RBFOX1: variants seen among roughly 807,000 people sequenced by gnomAD.
The protein encoded by RBFOX1 is RNA binding fox-1 homolog 1, also known as RNA binding protein fox-1 homolog 1.
A neutral mutation model predicts 57.7 loss-of-function variants in RBFOX1; 8 were observed. The ratio of observed to expected loss-of-function variants is 0.14; its 90% CI spans 0.08 to 0.25. The LOEUF (loss-of-function observed/expected upper bound fraction) is 0.25. Among genes scored for constraint, RBFOX1 ranks in the 10% least tolerant of loss-of-function variants. The probability of loss-of-function intolerance (pLI) is 1.00; values close to 1 mark genes in which losing one functional copy is unlikely to be tolerated. For synonymous variants in RBFOX1, 326 were observed against 222.4 expected (o/e 1.47, Z -4.15); for missense variants, 611 against 548.5 (o/e 1.11, Z -1.14).
chr16:7,171,935 GA>G (rs1438442245), intron 4 of RBFOX1, among the ~76,000 whole-genome samples: 1 of 152,178 alleles, frequency 6.6e-6, no homozygotes, highest in Non-Finnish European at 1.5e-5. Flanking sequence ...AATTTCCAGA[GA>G]GGAGATGTGG....
intron 4 of RBFOX1, among the ~76,000 whole-genome samples, chr16:7,125,403 C>T (rs902072018): frequency 2.6e-5 from 4 of 152,186 alleles, no homozygotes; most frequent in South Asian, 2.1e-4. Flanking sequence ...TTGTCACTAG[C>T]GTCAACTCTT....
intron 3 of RBFOX1, among the ~76,000 whole-genome samples, chr16:5,631,412 C>G (rs927431820): frequency 1.3e-5 from 2 of 152,014 alleles, no homozygotes; most frequent in African/African-American, 4.8e-5. Context: ...CAAAAATTAG[C>G]CGGGTATGGT....
chr16:6,750,827 A>G (rs1014108784), intron 3 of RBFOX1, among the ~76,000 whole-genome samples: 2 of 152,198 alleles, frequency 1.3e-5, no homozygotes, highest in Admixed American at 1.3e-4. Context: ...AATAAACGCC[A>G]AAGGGGGATG....
chr16:5,757,272 G>T (rs2053432121), intron 3 of RBFOX1, among the ~76,000 whole-genome samples: 1 of 133,636 alleles, frequency 7.5e-6, no homozygotes, highest in Non-Finnish European at 1.6e-5. Context: ...TCACTCTGTT[G>T]CCAGGCTGGA....
intron 4 of RBFOX1, among the ~76,000 whole-genome samples, chr16:7,108,059 C>A (rs948011114): frequency 1.3e-5 from 2 of 152,060 alleles, no homozygotes; most frequent in African/African-American, 4.8e-5. Flanking sequence ...ATGAATCAAG[C>A]AAAGATGCTG....
At position 6,570,488 on chromosome 16, in the gene RBFOX1, A is replaced by ACT. The variant is rs199662607; in HGVS notation, c.-63-84108_-63-84107dup. Among the ~76,000 whole-genome samples the ACT allele has an allele frequency of 3.9e-3, 598 of 152,050 alleles. 3 individuals carry two copies. The highest frequency in any genetic ancestry group is 0.013 in the African/African-American group (547 of 41,488). On this transcript the variant is annotated intron_variant, in intron 2 of 15. Coordinates refer to ENST00000550418, the MANE Select transcript of RBFOX1 (RefSeq NM_018723.4). ...TCAGAAGATATAAAAGATCCACTGT[A>ACT]CTCTCTCTATATATATATATACACA... is the stretch of plus-strand genomic sequence containing the variant.
At chr16:6,887,933 A>T (rs2064495667) in intron 3 of RBFOX1, among the ~76,000 whole-genome samples, 1 of 152,026 alleles carries the variant, frequency 6.6e-6, no homozygotes, top group African/African-American at 2.4e-5. Flanking sequence ...AAGTGCTGGG[A>T]TTATAGGTGT....
intron 4 of RBFOX1, among the ~76,000 whole-genome samples, chr16:7,279,891 A>T (rs575554234): frequency 6.6e-5 from 10 of 152,272 alleles, no homozygotes; most frequent in Non-Finnish European, 1.0e-4. Context: ...GAAATTGATC[A>T]TTGGCTCATT....
chr16:7,387,280 A>G (rs765262605), intron 4 of RBFOX1, among the ~76,000 whole-genome samples: 17 of 152,198 alleles, frequency 1.1e-4, no homozygotes, highest in South Asian at 2.1e-4. Flanking sequence ...AATAAATTCT[A>G]TGAGCTATGT....
In RBFOX1 at chr16:6,549,257, G is replaced by C. The variant is rs139608290; in HGVS notation, c.-63-105346G>C. Among the ~76,000 whole-genome samples, 42 of 20,986 alleles carry C rather than the reference G, an allele frequency of 2.0e-3. 2 individuals are homozygous for C. The highest frequency in any genetic ancestry group is 7.9e-3 in the African/African-American group (28 of 3,558). The allele number at this position is 20,986 out of a possible 152,430, so 13.8% of individuals were successfully genotyped here. On this transcript the variant is annotated intron_variant, in intron 2 of 15. Coordinates refer to ENST00000550418, the MANE Select transcript of RBFOX1 (RefSeq NM_018723.4). ...GGGGAGGAGGGAGTAGGAGGAGGGA[G>C]GAGGAGGAGAGGAGGGAGGAGGAGG...
At chr16:6,426,140 C>G (rs981380466) in intron 2 of RBFOX1, among the ~76,000 whole-genome samples, 1 of 151,986 alleles carries the variant, frequency 6.6e-6, no homozygotes, top group Non-Finnish European at 1.5e-5. Context: ...CTCTCTCTCT[C>G]TGTCTCTCTT....
In RBFOX1 at chr16:6,927,905, T is replaced by C. The variant is rs577222328; in HGVS notation, c.-15-124152T>C. On this transcript the variant is annotated intron_variant, in intron 3 of 15. Coordinates refer to ENST00000550418, the MANE Select transcript of RBFOX1 (RefSeq NM_018723.4). ...CTAATAGCATACGCTAAACATCATC[T>C]AAACACTAAATATAATGATATAATG... 9.8e-5 allele frequency among the ~76,000 whole-genome samples: 15 copies of C among 152,352 alleles called. No individual in the cohort carries two copies. In the South Asian group the frequency reaches 3.1e-3, roughly 32 times the overall value.
intron 1 of RBFOX1, among the ~76,000 whole-genome samples, chr16:6,138,571 G>C (rs931178362): frequency 6.6e-6 from 1 of 152,148 alleles, no homozygotes; most frequent in African/African-American, 2.4e-5. Flanking sequence ...TCTTATGTCA[G>C]ATAACATAAT....
chr16:6,968,326 A>G (rs760371718), intron 3 of RBFOX1, among the ~76,000 whole-genome samples: 2 of 152,208 alleles, frequency 1.3e-5, no homozygotes, highest in African/African-American at 2.4e-5. Context: ...GATGGAAACA[A>G]TGCAAACATT....
chr16:7,668,997 A>G (rs1282201005), intron 13 of RBFOX1, among the ~76,000 whole-genome samples: 2 of 152,178 alleles, frequency 1.3e-5, no homozygotes, highest in African/African-American at 2.4e-5. Flanking sequence ...CTCCGCTTCC[A>G]GGGTTCAAGG....
chr16:7,469,685 C>T (rs1207116634), intron 4 of RBFOX1, among the ~76,000 whole-genome samples: 3 of 152,174 alleles, frequency 2.0e-5, no homozygotes, highest in South Asian at 4.1e-4. Flanking sequence ...GAATAAACCA[C>T]ATTGAACATG....
intron 3 of RBFOX1, among the ~76,000 whole-genome samples, chr16:5,618,201 G>A (rs1478991098): frequency 1.3e-5 from 2 of 152,050 alleles, no homozygotes; most frequent in Admixed American, 6.5e-5. Flanking sequence ...AATTTTGTTC[G>A]TTTCTGAGAG....
chr16:6,880,533 A>G (rs572112661), intron 3 of RBFOX1, among the ~76,000 whole-genome samples: 2 of 152,338 alleles, frequency 1.3e-5, no homozygotes, highest in South Asian at 4.1e-4. Flanking sequence ...CTTGCTAGTC[A>G]GGTTAGACAG....
At chr16:6,710,687 G>A (rs1024086323) in intron 3 of RBFOX1, among the ~76,000 whole-genome samples, 7 of 152,334 alleles carry the variant, frequency 4.6e-5, no homozygotes, top group East Asian at 1.9e-4. Context: ...GCTGCAGTTT[G>A]GAAATTCCCC....
Sources: gnomAD v4.1 joint callset for allele counts (sites outside exome capture counted in the v4.1 genomes callset) on GRCh38, gnomAD v4.1.1 for gene constraint, MANE v1.5 for transcripts, NCBI Gene and HGNC (gene_info 2026-07-23, HGNC 2026-07-21) for gene names.